GRHL3: variants seen among roughly 807,000 people sequenced by gnomAD.
The protein encoded by GRHL3 is grainyhead like transcription factor 3.
GRHL3 carries 20 observed loss-of-function variants against 70.3 expected under a neutral mutation model. That is an observed-to-expected ratio of 0.28 (90% CI 0.20 to 0.41). GRHL3 has a LOEUF of 0.41. Among genes scored for constraint, GRHL3 ranks in the 10% least tolerant of loss-of-function variants. The pLI, the probability that GRHL3 is intolerant of heterozygous loss-of-function variation, is 1.00. For synonymous variants in GRHL3, 299 were observed against 299.9 expected (o/e 1.00, Z 0.03); for missense variants, 637 against 762.3 (o/e 0.84, Z 1.94).
chr1:24,328,540 C>T (rs1009170402), intron 1 of GRHL3, among the ~76,000 whole-genome samples: 1 of 152,222 alleles, frequency 6.6e-6, no homozygotes, highest in Non-Finnish European at 1.5e-5. Flanking sequence ...TTCGGTGTCA[C>T]TTTATCGTTG....
rs575907000 is a variant in GRHL3, at chr1:24,322,392, T to A, written c.17+2824T>A. Among the ~76,000 whole-genome samples the A allele has an allele frequency of 6.6e-6, 1 of 152,136 alleles. No homozygotes were observed. The highest frequency in any genetic ancestry group is 1.5e-5 in the Non-Finnish European group (1 of 67,976). On this transcript the variant is annotated intron_variant, in intron 1 of 15. Transcript: ENST00000361548. The surrounding 1 kb of genome is among the most constrained non-coding windows in gnomAD (Gnocchi z 4.4). ...CAGACTGCCTGGAGCGCTGAAAGAGTTAATCAGGAACGCCTCCCCGCTGTG... is the reference window on the plus strand; with the variant it reads ...CAGACTGCCTGGAGCGCTGAAAGAGATAATCAGGAACGCCTCCCCGCTGTG...
At chr1:24,327,240 A>AT (rs773899946) in intron 1 of GRHL3, among the ~76,000 whole-genome samples, 7 of 152,152 alleles carry the variant, frequency 4.6e-5, no homozygotes, top group Non-Finnish European at 8.8e-5. Context: ...TACTATGTTA[A>AT]TTTTCTTCAT....
chr1:24,335,842 T>A (rs766210638), intron 3 of GRHL3, among the ~76,000 whole-genome samples: 7 of 152,076 alleles, frequency 4.6e-5, no homozygotes, highest in Admixed American at 1.3e-4. Context: ...TCGGCCTCCC[T>A]AAGAGCTGGG....
At chr1:24,344,747 C>A in intron 11 of GRHL3, 150 bp from the exon 12 acceptor site, 3 of 828,212 alleles carry the variant, frequency 3.6e-6, no homozygotes, top group Non-Finnish European at 6.1e-6. Flanking sequence ...CTTAAGGGCA[C>A]TTGTCTGAGC....
intron 1 of GRHL3, among the ~76,000 whole-genome samples, chr1:24,327,909 A>C (rs1042231666): frequency 6.6e-6 from 1 of 152,206 alleles, no homozygotes; most frequent in Non-Finnish European, 1.5e-5. Context: ...GATTCAACAC[A>C]CAAGTCAATA....
At chr1:24,345,073 GCCC>G in intron 12 of GRHL3, 142 bp downstream of exon 12, 1 of 447,372 alleles carries the variant, frequency 2.2e-6, no homozygotes. Flanking sequence ...CCACACCTGT[GCCC>G]CCTCTACACC....
chr1:24,338,180 T>C (rs1639901251), intron 7 of GRHL3, 77 bp downstream of exon 7: 1 of 962,086 alleles, frequency 1.0e-6, no homozygotes, highest in South Asian at 1.6e-5. Flanking sequence ...TTTTTCTTAC[T>C]CACCCCTGTT....
chr1:24,342,020 A>T lies in GRHL3; in HGVS notation c.1048-95A>T. On this transcript the variant is annotated intron_variant, in intron 8 of 15. Transcript: ENST00000361548. This position sits in a 1 kb window ranked among gnomAD's most constrained non-coding sequence, Gnocchi z 4.8. ...CTAGTGAGGCTTAAGGGTGAGCAGCAGGCACACAGAAAGCTAGAAATACAG... is the reference window on the plus strand; with the variant it reads ...CTAGTGAGGCTTAAGGGTGAGCAGCTGGCACACAGAAAGCTAGAAATACAG... The T allele has an allele frequency of 8.4e-7, 1 of 1,188,766 alleles. No individual in the cohort carries two copies. Among genetic ancestry groups the T allele is most frequent in the Non-Finnish European group, 1.2e-6 (1 of 848,360 alleles). 73.6% of individuals were successfully genotyped at this position (1,188,766 alleles called of 1,614,324 possible). A position where few individuals can be genotyped will look rare whatever the true frequency, so the allele number is the denominator to read the frequency against.
chr1:24,347,709 C>T (rs969198703), intron 14 of GRHL3, among the ~76,000 whole-genome samples, 156 bp downstream of exon 14: 4 of 152,164 alleles, frequency 2.6e-5, no homozygotes, highest in African/African-American at 9.7e-5. Context: ...GGGGCCCTGC[C>T]GGTGGGGGTG....
At chr1:24,338,268 T>C (rs962871444) in intron 7 of GRHL3, among the ~76,000 whole-genome samples, 165 bp downstream of exon 7, 2 of 152,178 alleles carry the variant, frequency 1.3e-5, no homozygotes, top group East Asian at 1.9e-4. Flanking sequence ...TGACTAGAAG[T>C]TGTGGCGTCT....
chr1:24,364,300 CAGAGGG>C, exon 16 of GRHL3: 1 of 1,549,900 alleles, frequency 6.5e-7, no homozygotes, highest in Non-Finnish European at 8.7e-7. Flanking sequence ...ATTTTGGAGG[CAGAGGG>C]ACCTGGATTC....
At position 24,355,276 on chromosome 1, in the gene GRHL3, G is replaced by T. The variant is rs528624532; in HGVS notation, c.*788G>T. The T allele has an allele frequency of 1.3e-5, 2 of 152,572 alleles. No individual in the cohort carries two copies. Among genetic ancestry groups the T allele is most frequent in the South Asian group, 2.1e-4 (1 of 4,814 alleles). 9.5% of individuals were successfully genotyped at this position (152,572 alleles called of 1,614,324 possible). A position where few individuals can be genotyped will look rare whatever the true frequency, so the allele number is the denominator to read the frequency against. ...AGTGATGCATTTTGTATACTCACGT[G>T]GTATTTAGTAATAAAAATCTATCTA... On this transcript the variant is annotated 3_prime_UTR_variant, in exon 16 of 16. Coordinates refer to ENST00000361548, the MANE Select transcript of GRHL3 (RefSeq NM_198173.3).
At chr1:24,344,069 C>G (rs74062155) in intron 11 of GRHL3, among the ~76,000 whole-genome samples, 1 of 152,190 alleles carries the variant, frequency 6.6e-6, no homozygotes, top group Non-Finnish European at 1.5e-5. Context: ...GATGACCACT[C>G]AGGGTGAAGG....
chr1:24,320,418 T>A (rs1569842418), intron 1 of GRHL3, among the ~76,000 whole-genome samples: 1 of 152,210 alleles, frequency 6.6e-6, no homozygotes, highest in African/African-American at 2.4e-5. Context: ...CACCATGATG[T>A]CCTTCTTGGG....
At chr1:24,353,283 A>G (rs928450693) in intron 15 of GRHL3, among the ~76,000 whole-genome samples, 2 of 152,118 alleles carry the variant, frequency 1.3e-5, no homozygotes, top group Non-Finnish European at 2.9e-5. Flanking sequence ...GGTCTAATTC[A>G]TCTCCATATG....
intron 15 of GRHL3, chr1:24,361,125 C>T: frequency 2.4e-6 from 3 of 1,243,592 alleles, no homozygotes; most frequent in Non-Finnish European, 3.3e-6. Flanking sequence ...AAGACCTGCA[C>T]AGCAGCAAGC....
chr1:24,357,222 T>A (rs2148671370), downstream of GRHL3: 1 of 152,346 alleles, frequency 6.6e-6, no homozygotes, highest in East Asian at 1.9e-4. Flanking sequence ...TCACTGTGGC[T>A]GTGACGCACC....
At position 24,354,402 on chromosome 1, in the gene GRHL3, A is replaced by G; in HGVS notation, c.1723A>G (p.Ile575Val). 6.2e-7 allele frequency: 1 copy of G among 1,613,692 alleles called. No homozygotes were observed. Among genetic ancestry groups the G allele is most frequent in the Non-Finnish European group, 8.5e-7 (1 of 1,179,610 alleles). The change falls in exon 16 of 16, where the codon ATT becomes GTT. Residue 575 changes from isoleucine to valine, a missense_variant. By Grantham distance (29) the Ile-to-Val change is conservative. Coordinates refer to ENST00000361548, the MANE Select transcript of GRHL3 (RefSeq NM_198173.3). Reference protein sequence around the residue: ...GILVNMDNNIIQHYSNHVAFL... With the variant: ...GILVNMDNNIVQHYSNHVAFL... ...CTTAGTCAACATGGACAACAACATC[A>G]TTCAGCATTACAGCAACCACGTCGC...
chr1:24,336,762 A>G lies in GRHL3; in HGVS notation c.547A>G (p.Ile183Val), dbSNP rs1256749784. ...CTCCCTCAACTCCTTGTTTGAGAGCATTCATGGGGTGCCGCCCACACAGCG... is the reference window on the plus strand; with the variant it reads ...CTCCCTCAACTCCTTGTTTGAGAGCGTTCATGGGGTGCCGCCCACACAGCG... ...NGSLNSLFES[I>V]HGVPPTQRWQ... Residue 183 changes from isoleucine (I) to valine (V), a missense_variant, in exon 4 of 16, where the codon ATT becomes GTT. This residue lies in a region of GRHL3 where 250 missense variants were observed against 248.6 expected (regional missense o/e 1.01). Transcript: ENST00000361548. The G allele has an allele frequency of 6.2e-7, 1 of 1,613,828 alleles. No homozygotes were observed. The highest frequency in any genetic ancestry group is 2.2e-5 in the East Asian group (1 of 44,858).
Sources: allele counts gnomAD v4.1 joint callset (sites outside exome capture counted in the v4.1 genomes callset), GRCh38; gene constraint gnomAD v4.1.1; regional missense constraint gnomAD v4.1.1; non-coding constraint Gnocchi (gnomAD v3.1); transcripts MANE v1.5; gene names NCBI Gene and HGNC (gene_info 2026-07-23, HGNC 2026-07-21).